RAPGEF2: variants seen among roughly 807,000 people sequenced by gnomAD.
The protein encoded by RAPGEF2 is PDZ domain containing guanine nucleotide exchange factor (GEF) 1.
A neutral mutation model predicts 186.7 loss-of-function variants in RAPGEF2; 54 were observed. The ratio of observed to expected loss-of-function variants is 0.29; its 90% CI spans 0.23 to 0.36. The LOEUF (loss-of-function observed/expected upper bound fraction) is 0.36, where lower values mean the gene tolerates loss of function less well. Among genes scored for constraint, RAPGEF2 ranks in the 10% least tolerant of loss-of-function variants. RAPGEF2 has a pLI of 1.00. For missense variants in RAPGEF2, 1,532 were observed against 2,045.0 expected, an observed-to-expected ratio of 0.75 and a Z score of 4.84; for synonymous variants, 712 against 705.9, an observed-to-expected ratio of 1.01 and a Z score of -0.14.
intron 7 of RAPGEF2, among the ~76,000 whole-genome samples, chr4:159,249,506 A>G (rs774377024): frequency 1.3e-4 from 19 of 151,962 alleles, no homozygotes; most frequent in Non-Finnish European, 2.5e-4. Context: ...TGACTTCTGG[A>G]CAAAACTCTA....
At chr4:159,273,676 TTCTTTCTTTCTTTCTTTCTTTCTTTCTC>T (rs1758457164) in intron 7 of RAPGEF2, among the ~76,000 whole-genome samples, 1 of 149,786 alleles carries the variant, frequency 6.7e-6, no homozygotes, top group African/African-American at 2.4e-5. Context: ...CTTTCTTTCT[TTCTTTCTTTCTTTCTTTCTTTCTTTCTC>T]AATTTAAATA....
intron 16 of RAPGEF2, 60 bp downstream of exon 16, chr4:159,332,094 ACAT>A (rs1766757199): frequency 1.8e-6 from 2 of 1,107,806 alleles, no homozygotes; most frequent in East Asian, 4.9e-5. Flanking sequence ...AGTATTTCAA[ACAT>A]CATAAGAAAG....
At chr4:159,268,708 T>C (rs1167561427) in intron 7 of RAPGEF2, among the ~76,000 whole-genome samples, 2 of 152,174 alleles carry the variant, frequency 1.3e-5, no homozygotes, top group East Asian at 1.9e-4. Context: ...TCATCACTTA[T>C]GGAAACACAG....
chr4:159,178,746 C>T (rs1746720716), intron 1 of RAPGEF2, among the ~76,000 whole-genome samples: 1 of 151,658 alleles, frequency 6.6e-6, no homozygotes, highest in Non-Finnish European at 1.5e-5. Context: ...TTAGTAGAGA[C>T]GGGGGTTTCT....
intron 10 of RAPGEF2, among the ~76,000 whole-genome samples, chr4:159,323,230 A>T (rs1213499309): frequency 6.6e-6 from 1 of 152,204 alleles, no homozygotes; most frequent in Non-Finnish European, 1.5e-5. Flanking sequence ...TCCAAAGTCA[A>T]ATTAAAAGGG....
chr4:159,308,113 G>C (rs1357163401), intron 8 of RAPGEF2, among the ~76,000 whole-genome samples: 2 of 152,202 alleles, frequency 1.3e-5, no homozygotes, highest in Non-Finnish European at 1.5e-5. Context: ...GTTATCATCT[G>C]ATTGTCTGTG....
chr4:159,295,752 TGTGCGCGCGCGCGC>T (rs1320917117), intron 7 of RAPGEF2, among the ~76,000 whole-genome samples: 3 of 111,790 alleles, frequency 2.7e-5, no homozygotes, highest in East Asian at 5.1e-4. Flanking sequence ...TGTGTGTGTG[TGTGCGCGCGCGCGC>T]GCGCGCGCAT....
In RAPGEF2 at chr4:159,330,417, C is replaced by T; in HGVS notation, c.1386C>T (p.Thr462=). The T allele has an allele frequency of 6.2e-7, 1 of 1,606,876 alleles. No individual in the cohort carries two copies. ...DPTFIEDFLL[T]YRTFLSSPME... ...CATTCATAGAAGACTTTCTGTTGAC[C>T]TATAGGACTTTTCTTTCTAGCCCAA... Residue 462 remains threonine (T), a synonymous_variant, in exon 13 of 30, where the codon ACC becomes ACT. Transcript: ENST00000691494.
chr4:159,311,688 T>C (rs1291258322), intron 8 of RAPGEF2, among the ~76,000 whole-genome samples: 2 of 152,214 alleles, frequency 1.3e-5, no homozygotes, highest in Admixed American at 6.5e-5. Flanking sequence ...CAGTAAATAC[T>C]ACATTCTAGG....
At chr4:159,243,820 C>T in intron 7 of RAPGEF2, 29 bp downstream of exon 7, 1 of 1,257,720 alleles carries the variant, frequency 8.0e-7, no homozygotes, top group Non-Finnish European at 1.0e-6. Context: ...GGTCTTCTGA[C>T]ACTAACCTAA....
intron 1 of RAPGEF2, among the ~76,000 whole-genome samples, chr4:159,174,758 TTC>T (rs67085713): frequency 0.39 from 49,469 of 128,100 alleles, 8,332 homozygotes; most frequent in African/African-American, 0.51. Context: ...TTTTCTTTCT[TTC>T]TTTTTTTTTT....
rs979599691 is a variant in RAPGEF2 at position 159,324,649 on chromosome 4, G to A, written c.1149+1032G>A. 3.3e-5 allele frequency among the ~76,000 whole-genome samples: 5 copies of A among 152,092 alleles called. No individual in the cohort carries two copies. In the East Asian group the frequency reaches 9.6e-4, roughly 29 times the overall value. ...ATAGTGTGAATCAGTAGAATGACTT[G>A]CTAGTTAAATAATAGCTAATAAAAA... On this transcript the variant is annotated intron_variant, in intron 11 of 29. Transcript: ENST00000691494.
chr4:159,266,238 G>C (rs1371948327), intron 7 of RAPGEF2, among the ~76,000 whole-genome samples: 1 of 152,058 alleles, frequency 6.6e-6, no homozygotes, highest in Non-Finnish European at 1.5e-5. Flanking sequence ...GGTGGGAATG[G>C]TTGCCTTTAG....
chr4:159,333,216 G>A (rs1275543309), intron 17 of RAPGEF2, among the ~76,000 whole-genome samples: 1 of 152,060 alleles, frequency 6.6e-6, no homozygotes, highest in Non-Finnish European at 1.5e-5. Flanking sequence ...CTGACCTCGT[G>A]ATCCACCCGC....
At chr4:159,207,069 A>T (rs1750064805) in intron 3 of RAPGEF2, among the ~76,000 whole-genome samples, 1 of 152,234 alleles carries the variant, frequency 6.6e-6, no homozygotes, top group Non-Finnish European at 1.5e-5. Context: ...GAATTTAATA[A>T]ATGTTGATTG....
chr4:159,315,400 C>T (rs1289404518), intron 9 of RAPGEF2, among the ~76,000 whole-genome samples: 2 of 151,614 alleles, frequency 1.3e-5, no homozygotes, highest in African/African-American at 4.9e-5. Context: ...ATTATTTCAT[C>T]ACCCAGGTTT....
At chr4:159,162,651 G>C (rs1340841561) in intron 1 of RAPGEF2, among the ~76,000 whole-genome samples, 1 of 152,008 alleles carries the variant, frequency 6.6e-6, no homozygotes, top group Middle Eastern at 3.2e-3. Flanking sequence ...TGAGGTACCA[G>C]GTAACAAAAA....
chr4:159,166,649 G>A, intron 1 of RAPGEF2, among the ~76,000 whole-genome samples: 1 of 152,084 alleles, frequency 6.6e-6, no homozygotes. Flanking sequence ...TATAGGGTAT[G>A]GTCCCTGTAT....
At chr4:159,206,210 A>G (rs1427356502) in intron 3 of RAPGEF2, among the ~76,000 whole-genome samples, 1 of 152,232 alleles carries the variant, frequency 6.6e-6, no homozygotes, top group South Asian at 2.1e-4. Flanking sequence ...GATGACAGGC[A>G]TGAGCCACCG....
Sources: allele counts gnomAD v4.1 joint callset (sites outside exome capture counted in the v4.1 genomes callset), GRCh38; gene constraint gnomAD v4.1.1; transcripts MANE v1.5; gene names NCBI Gene and HGNC (gene_info 2026-07-23, HGNC 2026-07-21).